USP34: variants seen among roughly 807,000 people sequenced by gnomAD.
USP34 encodes ubiquitin carboxyl-terminal hydrolase 34.
Under a neutral mutation model 460.3 loss-of-function variants are expected in USP34, and 70 were observed. The ratio of observed to expected loss-of-function variants is 0.15; its 90% CI spans 0.13 to 0.19. The LOEUF (loss-of-function observed/expected upper bound fraction) is 0.19, where lower values mean the gene tolerates loss of function less well. Among genes scored for constraint, USP34 ranks in the 10% least tolerant of loss-of-function variants. The pLI is 1.00. For missense variants in USP34, 3,985 were observed against 4,236.2 expected, an observed-to-expected ratio of 0.94 and a Z score of 1.65; for synonymous variants, 1,647 against 1,405.3, an observed-to-expected ratio of 1.17 and a Z score of -3.85.
intron 33 of USP34, among the ~76,000 whole-genome samples, chr2:61,290,781 C>A (rs149402767): frequency 6.6e-6 from 1 of 152,046 alleles, no homozygotes; most frequent in Non-Finnish European, 1.5e-5. Context: ...AAGTATACTG[C>A]AACCTCACAT....
intron 39 of USP34, 114 bp from the exon 40 acceptor site, chr2:61,278,557 A>T: frequency 1.3e-6 from 1 of 796,950 alleles, no homozygotes; most frequent in East Asian, 2.8e-5. Context: ...TCCCAAATTC[A>T]ATAAGTTATA....
chr2:61,263,646 TA>T (rs1322445440), intron 43 of USP34, among the ~76,000 whole-genome samples: 4 of 151,998 alleles, frequency 2.6e-5, no homozygotes, highest in Non-Finnish European at 5.9e-5. Flanking sequence ...CATACCCAGC[TA>T]TTTTTTTTGT....
intron 10 of USP34, among the ~76,000 whole-genome samples, chr2:61,369,855 C>CA (rs954616672): frequency 1.9e-4 from 29 of 149,398 alleles, no homozygotes; most frequent in Admixed American, 1.1e-3. Flanking sequence ...GCTATTTATA[C>CA]AAAAAAATCT....
At chr2:61,285,121 G>C (rs952384203) in intron 34 of USP34, among the ~76,000 whole-genome samples, 164 bp from the exon 35 acceptor site, 7 of 152,050 alleles carry the variant, frequency 4.6e-5, no homozygotes, top group African/African-American at 1.7e-4. Flanking sequence ...AATGTCGTAA[G>C]AATTCTTTGA....
At chr2:61,367,754 T>C (rs1299859151) in intron 10 of USP34, among the ~76,000 whole-genome samples, 3 of 152,010 alleles carry the variant, frequency 2.0e-5, no homozygotes, top group South Asian at 2.1e-4. Context: ...AAAATCTATA[T>C]ACAAATAACT....
chr2:61,188,440 C>G lies in USP34; in HGVS notation c.10303G>C (p.Ala3435Pro), dbSNP rs1192240675. The change falls in exon 80 of 80, where the codon GCA (alanine) becomes CCA (proline). Residue 3435 changes from alanine (A) to proline (P), a missense_variant. By Grantham distance (27) the Ala-to-Pro change is conservative. Coordinates refer to ENST00000398571, the MANE Select transcript of USP34 (RefSeq NM_014709.4). ...EDMSNIRSQH[A>P]EEQSNNGRYD... ...CTACCATTGTTGGACTGTTCTTCTG[C>G]ATGCTGTGACCTGATATTTGACATG... 2.5e-6 allele frequency: 4 copies of G among 1,614,186 alleles called. No homozygotes were observed. Among genetic ancestry groups the G allele is most frequent in the Non-Finnish European group, 3.4e-6 (4 of 1,180,036 alleles).
chr2:61,362,122 A>C (rs1283105287), intron 10 of USP34, among the ~76,000 whole-genome samples: 1 of 152,192 alleles, frequency 6.6e-6, no homozygotes, highest in Non-Finnish European at 1.5e-5. Flanking sequence ...TCTCACACCT[A>C]CGTTGTAACA....
intron 41 of USP34, among the ~76,000 whole-genome samples, chr2:61,272,943 A>C (rs1269757254): frequency 6.6e-6 from 1 of 152,200 alleles, no homozygotes; most frequent in Non-Finnish European, 1.5e-5. Context: ...CTTGCAGATA[A>C]TAAACCAAAA....
At chr2:61,229,465 A>AG in intron 59 of USP34, 83 bp downstream of exon 59, 1 of 633,292 alleles carries the variant, frequency 1.6e-6, no homozygotes, top group Non-Finnish European at 2.2e-6. Flanking sequence ...CTTAAAAAAA[A>AG]AAAAAAAAAA....
chr2:61,393,664 A>C (rs984360710), intron 5 of USP34, among the ~76,000 whole-genome samples: 1 of 152,126 alleles, frequency 6.6e-6, no homozygotes, highest in Admixed American at 6.6e-5. Context: ...TTTTCACCCA[A>C]TATTTTTATT....
intron 2 of USP34, among the ~76,000 whole-genome samples, chr2:61,411,988 G>A (rs1694053358): frequency 6.6e-6 from 1 of 151,986 alleles, no homozygotes; most frequent in Non-Finnish European, 1.5e-5. Flanking sequence ...TCAGAAGTTT[G>A]AGATCAGCCT....
chr2:61,365,877 G>C (rs1414855440), intron 10 of USP34, among the ~76,000 whole-genome samples: 1 of 152,058 alleles, frequency 6.6e-6, no homozygotes, highest in African/African-American at 2.4e-5. Flanking sequence ...AATCCACAAA[G>C]AAAATTAAAG....
intron 42 of USP34, 187 bp downstream of exon 42, chr2:61,265,797 T>C (rs1229447290): frequency 4.3e-6 from 3 of 691,702 alleles, no homozygotes. Context: ...AAAGCCGAAG[T>C]ATTTAAAATG....
intron 1 of USP34, among the ~76,000 whole-genome samples, chr2:61,428,883 C>A (rs1456165336): frequency 1.3e-5 from 2 of 152,148 alleles, no homozygotes; most frequent in Non-Finnish European, 2.9e-5. Context: ...TCAATGGCTA[C>A]AAACTACAGG....
rs756414924 is a variant in USP34 at position 61,214,279 on chromosome 2, C to T, written c.8463G>A (p.Gln2821=). ...CAATGTTCTTGGTTACCACTGGGTT[C>T]TGAACAATAAGGCGGATATTCTCTG... ...DCPENIRLIV[Q]NPVVTKNIAF... Residue 2821 remains glutamine, a synonymous_variant, in exon 68 of 80, where the codon CAG becomes CAA. Coordinates refer to ENST00000398571, the MANE Select transcript of USP34 (RefSeq NM_014709.4). 42 of 1,614,112 alleles carry T rather than the reference C, an allele frequency of 2.6e-5. No homozygotes were observed. The Admixed American group carries it at 7.0e-4, about 27-fold the overall frequency.
rs576206965 is a variant in USP34 at position 61,425,419 on chromosome 2, C to T, written c.44-4586G>A. ...TGTTCCCCCAGCCAGCAGCAAAAGGCCTGGTGCCTAGAGCCTCTCGGTGCT... is the reference window on the plus strand; with the variant it reads ...TGTTCCCCCAGCCAGCAGCAAAAGGTCTGGTGCCTAGAGCCTCTCGGTGCT... On this transcript the variant is annotated intron_variant, in intron 1 of 79. Coordinates refer to ENST00000398571, the MANE Select transcript of USP34 (RefSeq NM_014709.4). Among the ~76,000 whole-genome samples, 3 of 152,206 alleles carry T rather than the reference C, an allele frequency of 2.0e-5. No homozygotes were observed. The South Asian group carries it at 6.2e-4, about 32-fold the overall frequency.
chr2:61,269,863 C>T (rs1049249299), intron 41 of USP34, among the ~76,000 whole-genome samples: 1 of 152,002 alleles, frequency 6.6e-6, no homozygotes, highest in African/African-American at 2.4e-5. Context: ...ATGATGAAAT[C>T]AGGGTATTTG....
At chr2:61,391,093 C>CA (rs201594318) in intron 5 of USP34, among the ~76,000 whole-genome samples, 3,638 of 137,428 alleles carry the variant, frequency 0.026, 89 homozygotes, top group African/African-American at 0.066. Flanking sequence ...GACTCCAGCT[C>CA]AAAAAAAAAA....
intron 2 of USP34, among the ~76,000 whole-genome samples, chr2:61,413,913 C>G (rs1264257264): frequency 2.0e-5 from 3 of 148,422 alleles, no homozygotes; most frequent in Non-Finnish European, 1.5e-5. Flanking sequence ...CCTGGCGATA[C>G]AGTGAGACTC....
Sources: allele counts gnomAD v4.1 joint callset (sites outside exome capture counted in the v4.1 genomes callset), GRCh38; gene constraint gnomAD v4.1.1; transcripts MANE v1.5; gene names NCBI Gene and HGNC (gene_info 2026-07-23, HGNC 2026-07-21).